Variants in MACROD2 observed in about 807,000 individuals in gnomAD.
The protein encoded by MACROD2 is mono-ADP ribosylhydrolase 2.
A neutral mutation model predicts 70.4 loss-of-function variants in MACROD2; 36 were observed. The observed-to-expected ratio is 0.51, with a 90% CI of 0.39 to 0.68. The LOEUF is 0.68. MACROD2 is among the 30% of genes least tolerant of loss of function. The pLI is 0.00. For synonymous variants in MACROD2, 172 were observed against 178.8 expected (o/e 0.96, Z 0.30); for missense variants, 496 against 538.4 (o/e 0.92, Z 0.78).
At chr20:15,540,428 A>G (rs1318573822) in intron 8 of MACROD2, among the ~76,000 whole-genome samples, 5 of 152,206 alleles carry the variant, frequency 3.3e-5, no homozygotes, top group Non-Finnish European at 5.9e-5. Context: ...AAGAGAAGGA[A>G]GTGTGGCCAA....
chr20:14,131,871 C>G (rs2054722844), intron 3 of MACROD2, among the ~76,000 whole-genome samples: 1 of 152,054 alleles, frequency 6.6e-6, no homozygotes, highest in South Asian at 2.1e-4. Flanking sequence ...GTGGCTCACG[C>G]TTGTAATCCC....
intron 5 of MACROD2, among the ~76,000 whole-genome samples, chr20:15,028,357 G>A (rs1275305259): frequency 6.6e-6 from 1 of 152,216 alleles, no homozygotes. Flanking sequence ...AGGGCCCAGA[G>A]TGGAGTGAGG....
chr20:15,509,722 C>T (rs956047085), intron 8 of MACROD2, among the ~76,000 whole-genome samples: 1 of 152,152 alleles, frequency 6.6e-6, no homozygotes, highest in South Asian at 2.1e-4. Context: ...TCAGAATTTT[C>T]CACACTCTTA....
intron 5 of MACROD2, among the ~76,000 whole-genome samples, chr20:15,157,349 A>ACCCCCCCCCC (rs71870874): frequency 9.1e-5 from 10 of 109,388 alleles, no homozygotes; most frequent in African/African-American, 3.5e-4. Context: ...CTAATTAACC[A>ACCCCCCCCCC]CCCCCCCCCA....
chr20:15,346,085 C>T (rs535656268), intron 6 of MACROD2, among the ~76,000 whole-genome samples: 57 of 147,040 alleles, frequency 3.9e-4, no homozygotes, highest in Middle Eastern at 3.5e-3. Flanking sequence ...TCAGAGGTCA[C>T]GAGGCCTGGC....
chr20:14,404,844 C>G (rs1417224718), intron 3 of MACROD2, among the ~76,000 whole-genome samples: 2 of 151,852 alleles, frequency 1.3e-5, no homozygotes, highest in Non-Finnish European at 2.9e-5. Flanking sequence ...AATCCAAATA[C>G]AGTATCTATC....
At chr20:14,955,199 A>T (rs1214029607) in intron 5 of MACROD2, among the ~76,000 whole-genome samples, 2 of 133,348 alleles carry the variant, frequency 1.5e-5, no homozygotes, top group Non-Finnish European at 3.1e-5. Context: ...TATATAATAT[A>T]TCATTTACAT....
rs973209907 is a variant in MACROD2, at chr20:15,488,066, G to T, written c.572-11708G>T. Among the ~76,000 whole-genome samples the T allele has an allele frequency of 5.3e-5, 8 of 152,134 alleles. No individual in the cohort carries two copies. The South Asian group carries it at 1.0e-3, about 20-fold the overall frequency. On this transcript the variant is annotated intron_variant, in intron 7 of 17. Transcript: ENST00000684519. ...GTCTGGTGCTGTGTCCCTGAAAGGG[G>T]TCCTTCAGTCTGTCCTAGTCTAGGG... is the stretch of plus-strand genomic sequence containing the variant.
intron 3 of MACROD2, among the ~76,000 whole-genome samples, chr20:14,126,959 C>CT (rs1387009957): frequency 2.6e-5 from 4 of 152,180 alleles, no homozygotes; most frequent in African/African-American, 7.2e-5. Flanking sequence ...GCAGTGGCCT[C>CT]TAAGTGTTCA....
chr20:14,584,639 G>C (rs928530307), intron 4 of MACROD2, among the ~76,000 whole-genome samples: 1 of 152,070 alleles, frequency 6.6e-6, no homozygotes, highest in South Asian at 2.1e-4. Context: ...CACATATAGG[G>C]CTTCAACATT....
chr20:14,649,397 G>T (rs1044175293), intron 4 of MACROD2, among the ~76,000 whole-genome samples: 1 of 152,188 alleles, frequency 6.6e-6, no homozygotes, highest in East Asian at 1.9e-4. Flanking sequence ...CTGGATGATA[G>T]CAATTTAAGT....
intron 4 of MACROD2, among the ~76,000 whole-genome samples, 195 bp from the exon 5 acceptor site, chr20:14,684,648 A>ACCCCCC (rs11467642): frequency 2.2e-5 from 3 of 134,950 alleles, no homozygotes; most frequent in South Asian, 2.4e-4. Flanking sequence ...ACATAACCTC[A>ACCCCCC]CCCCCCCCCC....
At chr20:14,662,679 T>C (rs1986284006) in intron 4 of MACROD2, among the ~76,000 whole-genome samples, 2 of 152,098 alleles carry the variant, frequency 1.3e-5, no homozygotes, top group South Asian at 2.1e-4. Context: ...GCAAAGGACA[T>C]GAACAGACAC....
chr20:14,285,600 A>C (rs755835152), intron 3 of MACROD2, among the ~76,000 whole-genome samples: 27 of 151,842 alleles, frequency 1.8e-4, no homozygotes, highest in African/African-American at 6.3e-4. Flanking sequence ...AAAAAACAAT[A>C]AAAAAAACTA....
intron 3 of MACROD2, among the ~76,000 whole-genome samples, chr20:14,180,855 T>C (rs1342041325): frequency 6.6e-6 from 1 of 152,132 alleles, no homozygotes; most frequent in Non-Finnish European, 1.5e-5. Flanking sequence ...TCAAGTGTCT[T>C]GTGTTTCATA....
intron 5 of MACROD2, among the ~76,000 whole-genome samples, chr20:14,923,018 G>C (rs59717505): frequency 0.062 from 9,500 of 152,250 alleles, 476 homozygotes; most frequent in South Asian, 0.23. Context: ...AGGAGCTGGA[G>C]ATTAAAAGCT....
At chr20:15,937,605 G>C in intron 12 of MACROD2, 61 bp downstream of exon 12, 1 of 1,487,878 alleles carries the variant, frequency 6.7e-7, no homozygotes. Context: ...GTTTGGGCTT[G>C]TTTACATGGA....
chr20:15,288,882 T>G lies in MACROD2; in HGVS notation c.540+58821T>G, dbSNP rs540744722. Among the ~76,000 whole-genome samples, 342 of 152,004 alleles carry G rather than the reference T, an allele frequency of 2.2e-3. 1 individual carries two copies. Among genetic ancestry groups the G allele is most frequent in the South Asian group, 0.011 (53 of 4,808 alleles). Reference sequence around the variant, plus strand: ...CTGTCTGTCTGTCTATCTATCTATCTATCTATCTATCTATCTATCTATCTA... The same window carrying G: ...CTGTCTGTCTGTCTATCTATCTATCGATCTATCTATCTATCTATCTATCTA... On this transcript the variant is annotated intron_variant, in intron 6 of 17. Transcript: ENST00000684519.
intron 9 of MACROD2, among the ~76,000 whole-genome samples, chr20:15,867,904 G>A (rs757982353): frequency 7.2e-5 from 11 of 152,234 alleles, no homozygotes; most frequent in Non-Finnish European, 1.3e-4. Flanking sequence ...AACTACGAGC[G>A]ATTTTGCCCT....
Sources: gnomAD v4.1 joint callset for allele counts (sites outside exome capture counted in the v4.1 genomes callset) on GRCh38, gnomAD v4.1.1 for gene constraint, MANE v1.5 for transcripts, NCBI Gene and HGNC (gene_info 2026-07-23, HGNC 2026-07-21) for gene names.